The following RUNX1T1 variants were observed in gnomAD, a reference collection of about 807,000 sequenced individuals.
The protein encoded by RUNX1T1 is RUNX1 partner transcriptional co-repressor 1.
RUNX1T1 carries 4 observed loss-of-function variants against 62.8 expected under a neutral mutation model. That is an observed-to-expected ratio of 0.06 (90% CI 0.03 to 0.15). RUNX1T1 has a LOEUF of 0.15. RUNX1T1 is among the 10% of genes least tolerant of loss of function. The pLI is 1.00. For missense variants in RUNX1T1, 508 were observed against 754.3 expected, an observed-to-expected ratio of 0.67 and a Z score of 3.82; for synonymous variants, 291 against 286.0, an observed-to-expected ratio of 1.02 and a Z score of -0.18.
intron 1 of RUNX1T1, among the ~76,000 whole-genome samples, chr8:92,047,706 C>A (rs1829622673): frequency 6.6e-6 from 1 of 151,196 alleles, no homozygotes; most frequent in Non-Finnish European, 1.5e-5. Context: ...ATGAAACATG[C>A]ATCATCCATA....
chr8:92,052,229 A>G (rs1830352749), intron 1 of RUNX1T1, among the ~76,000 whole-genome samples: 1 of 152,168 alleles, frequency 6.6e-6, no homozygotes, highest in Non-Finnish European at 1.5e-5. Context: ...GTATATCCAA[A>G]CTTCCAAGAC....
intron 1 of RUNX1T1, among the ~76,000 whole-genome samples, chr8:92,045,766 C>T (rs544825539): frequency 4.2e-4 from 64 of 152,256 alleles, no homozygotes; most frequent in Middle Eastern, 6.8e-3. Context: ...ACTGTGTCTT[C>T]CTCTCTTTAA....
At chr8:92,015,001 TG>T (rs1200242926) in intron 2 of RUNX1T1, among the ~76,000 whole-genome samples, 181 bp from the exon 4 acceptor site, 1 of 152,220 alleles carries the variant, frequency 6.6e-6, no homozygotes, top group Non-Finnish European at 1.5e-5. Context: ...TATAACTAAA[TG>T]GGTCTACTCC....
chr8:91,961,640 A>C (rs147268128), intron 10 of RUNX1T1, among the ~76,000 whole-genome samples: 1 of 152,354 alleles, frequency 6.6e-6, no homozygotes, highest in Non-Finnish European at 1.5e-5. Context: ...TGAGGAAGAA[A>C]CTAACCTTCA....
exon 3 of RUNX1T1, chr8:92,014,678 G>A (rs1353568908): frequency 6.2e-7 from 1 of 1,614,068 alleles, no homozygotes; most frequent in Non-Finnish European, 8.5e-7. Context: ...TCAGCTTGCT[G>A]AGTTGCCTGG....
upstream of RUNX1T1, chr8:92,063,094 A>C (rs1239608761): frequency 5.0e-6 from 2 of 400,868 alleles, no homozygotes; most frequent in Non-Finnish European, 7.2e-6. Context: ...ATAATTGGGA[A>C]CTGTATTAAA....
chr8:92,051,791 C>G (rs1830294512), intron 1 of RUNX1T1, among the ~76,000 whole-genome samples: 1 of 152,012 alleles, frequency 6.6e-6, no homozygotes, highest in South Asian at 2.1e-4. Flanking sequence ...TATGAACTTG[C>G]AGCATGCTAA....
intron 3 of RUNX1T1, among the ~76,000 whole-genome samples, chr8:92,012,403 G>A (rs1010405628): frequency 6.6e-6 from 1 of 151,992 alleles, no homozygotes; most frequent in African/African-American, 2.4e-5. Flanking sequence ...GTGTGGTGGT[G>A]TGTGCCTCTA....
At chr8:92,011,805 A>T (rs1025319634) in intron 3 of RUNX1T1, among the ~76,000 whole-genome samples, 12 of 152,312 alleles carry the variant, frequency 7.9e-5, no homozygotes, top group Middle Eastern at 6.8e-3. Flanking sequence ...TACCTTATAT[A>T]AAAAAACAAG....
At chr8:92,014,259 A>C (rs1053744546) in intron 3 of RUNX1T1, among the ~76,000 whole-genome samples, 4 of 150,844 alleles carry the variant, frequency 2.7e-5, no homozygotes, top group African/African-American at 4.9e-5. Flanking sequence ...GTACTTACTG[A>C]AATACTGAAA....
At chr8:91,998,083 T>C (rs1054713687) in intron 5 of RUNX1T1, among the ~76,000 whole-genome samples, 74 of 152,156 alleles carry the variant, frequency 4.9e-4, no homozygotes, top group African/African-American at 1.7e-3. Context: ...ATAGAATGAC[T>C]AGACATTGAA....
chr8:92,020,915 G>A (rs2131208088), intron 1 of RUNX1T1, among the ~76,000 whole-genome samples: 1 of 150,548 alleles, frequency 6.6e-6, no homozygotes, highest in East Asian at 2.0e-4. Flanking sequence ...AATAGCACCA[G>A]ATGTGTTTCT....
rs200984597 is a variant in RUNX1T1, at chr8:92,041,145, CA to C, written c.7+21400del. 9.4e-3 allele frequency among the ~76,000 whole-genome samples: 1,438 copies of C among 152,260 alleles called. 14 individuals carry two copies. The highest frequency in any genetic ancestry group is 0.051 in the Middle Eastern group (15 of 294). On this transcript the variant is annotated intron_variant, in intron 1 of 10. Coordinates refer to ENST00000396218, the Ensembl canonical transcript of RUNX1T1. ...ATGCAATAGATCTTATTCATATTAC[CA>C]TTTTCAGGTGAAAAAACTGAGCTTT...
chr8:92,099,654 A>G lies in RUNX1T1; in HGVS notation c.-160T>C. On this transcript the variant is annotated 5_prime_UTR_variant, in exon 1 of 12. Coordinates refer to the RUNX1T1 transcript ENST00000265814. ...AATCCTGCAGGTGCCAATTTTTCAG[A>G]CTGCTTTGCTATGAAGGGCTATGTT... is the stretch of plus-strand genomic sequence containing the variant. 3 of 985,370 alleles carry G rather than the reference A, an allele frequency of 3.0e-6. No homozygotes were observed. The South Asian group carries it at 1.4e-4, about 46-fold the overall frequency. The allele number at this position is 985,370 out of a possible 1,614,324, so 61.0% of individuals were successfully genotyped here.
chr8:92,060,553 A>ATGTGTGTGTGTGTGTGTG (rs1271953758), intron 1 of RUNX1T1, among the ~76,000 whole-genome samples: 52 of 63,872 alleles, frequency 8.1e-4, no homozygotes, highest in African/African-American at 8.7e-4. Flanking sequence ...ATATATATAT[A>ATGTGTGTGTGTGTGTGTG]TGTGTGTGTG....
At chr8:92,095,381 C>A (rs1372687966) in intron 1 of RUNX1T1, 3 of 1,535,486 alleles carry the variant, frequency 2.0e-6, no homozygotes, top group Non-Finnish European at 2.6e-6. Context: ...GCGGCCGCGG[C>A]CGAGGCGGCA....
upstream of RUNX1T1, among the ~76,000 whole-genome samples, chr8:92,063,184 G>A (rs1328729769): frequency 6.6e-6 from 1 of 151,764 alleles, no homozygotes; most frequent in Non-Finnish European, 1.5e-5. Flanking sequence ...ATAAGACTTT[G>A]TATATTGTGC....
chr8:92,014,956 T>C (rs921815032), intron 2 of RUNX1T1, 136 bp from the exon 4 acceptor site: 1 of 857,880 alleles, frequency 1.2e-6, no homozygotes. Flanking sequence ...TAAAAATGCT[T>C]GGACTTCACA....
At chr8:92,007,575 G>A (rs1257044240) in intron 4 of RUNX1T1, among the ~76,000 whole-genome samples, 12 of 152,156 alleles carry the variant, frequency 7.9e-5, no homozygotes, top group Middle Eastern at 3.4e-3. Context: ...CATCAAAAGC[G>A]GGTACTTAAA....
Sources: gnomAD v4.1 joint callset for allele counts (sites outside exome capture counted in the v4.1 genomes callset) on GRCh38, gnomAD v4.1.1 for gene constraint, MANE v1.5 for transcripts, NCBI Gene and HGNC (gene_info 2026-07-23, HGNC 2026-07-21) for gene names.